DTNA: variants seen among roughly 807,000 people sequenced by gnomAD.
The protein encoded by DTNA is dystrobrevin alpha.
DTNA carries 43 observed loss-of-function variants against 100.7 expected under a neutral mutation model. That is an observed-to-expected ratio of 0.43 (90% CI 0.33 to 0.55). The LOEUF (loss-of-function observed/expected upper bound fraction) is 0.55. DTNA is among the 20% of genes least tolerant of loss of function. The pLI is 0.04. For synonymous variants in DTNA, 349 were observed against 347.9 expected (o/e 1.00, Z -0.04); for missense variants, 798 against 953.9 (o/e 0.84, Z 2.15).
At position 34,765,019 on chromosome 18, in the gene DTNA, C is replaced by G. The variant is rs925279995; in HGVS notation, c.68-942C>G. ...CTCAGGTCTTGATGTAACAAGCAGC[C>G]CATCTGCAGGGTATTGAGATGAGAC... On this transcript the variant is annotated intron_variant, in intron 2 of 22. Transcript: ENST00000444659. 9.5e-4 allele frequency among the ~76,000 whole-genome samples: 145 copies of G among 152,198 alleles called. 1 individual carries two copies. Among genetic ancestry groups the G allele is most frequent in the Non-Finnish European group, 2.9e-5 (2 of 68,016 alleles).
chr18:34,817,864 C>A, intron 7 of DTNA: 1 of 1,054,062 alleles, frequency 9.5e-7, no homozygotes, highest in Middle Eastern at 4.0e-4. Flanking sequence ...GTCTGTTTGG[C>A]TAATTTAAAT....
At chr18:34,652,735 C>A (rs1041265919) in intron 1 of DTNA, among the ~76,000 whole-genome samples, 2 of 152,130 alleles carry the variant, frequency 1.3e-5, no homozygotes, top group South Asian at 4.1e-4. Flanking sequence ...CCTAAACGTG[C>A]CTCTCTTCTG....
At chr18:34,596,758 T>C (rs1240022530) in intron 1 of DTNA, among the ~76,000 whole-genome samples, 1 of 152,234 alleles carries the variant, frequency 6.6e-6, no homozygotes, top group African/African-American at 2.4e-5. Flanking sequence ...AGTTGTGACC[T>C]GATATATTCA....
chr18:34,529,457 C>A (rs1057029717), intron 1 of DTNA, among the ~76,000 whole-genome samples: 1 of 152,020 alleles, frequency 6.6e-6, no homozygotes, highest in Non-Finnish European at 1.5e-5. Flanking sequence ...TATATATATT[C>A]TTCAAGATCA....
intron 1 of DTNA, among the ~76,000 whole-genome samples, chr18:34,501,155 T>C (rs765820612): frequency 6.6e-6 from 1 of 152,192 alleles, no homozygotes; most frequent in Non-Finnish European, 1.5e-5. Flanking sequence ...TTCCTGAGTT[T>C]TAAAAAAAAT....
At chr18:34,758,490 T>C (rs1157670873) in intron 2 of DTNA, among the ~76,000 whole-genome samples, 1 of 152,178 alleles carries the variant, frequency 6.6e-6, no homozygotes, top group East Asian at 1.9e-4. Context: ...CTTTAAGCAC[T>C]GGGGAAAAAT....
At chr18:34,652,220 G>A (rs2060540410) in intron 1 of DTNA, among the ~76,000 whole-genome samples, 1 of 152,128 alleles carries the variant, frequency 6.6e-6, no homozygotes, top group African/African-American at 2.4e-5. Context: ...GAGGACAAAA[G>A]TGGAAAGATC....
At chr18:34,688,087 CT>C (rs1282799415) in intron 1 of DTNA, among the ~76,000 whole-genome samples, 1 of 152,040 alleles carries the variant, frequency 6.6e-6, no homozygotes, top group Non-Finnish European at 1.5e-5. Flanking sequence ...GATCTTGACT[CT>C]TTATCCGATT....
upstream of DTNA, among the ~76,000 whole-genome samples, chr18:34,706,771 T>C (rs2082173171): frequency 6.6e-6 from 1 of 152,206 alleles, no homozygotes; most frequent in African/African-American, 2.4e-5. Context: ...TTAAATTGTA[T>C]AAATTGAGAT....
chr18:34,848,776 G>C (rs2096427142), intron 14 of DTNA, among the ~76,000 whole-genome samples: 1 of 152,130 alleles, frequency 6.6e-6, no homozygotes, highest in Non-Finnish European at 1.5e-5. Context: ...TATACCAGTA[G>C]AAATAATAGA....
At chr18:34,724,055 ATAG>A (rs2147064500) in intron 1 of DTNA, among the ~76,000 whole-genome samples, 1 of 152,368 alleles carries the variant, frequency 6.6e-6, no homozygotes, top group Admixed American at 6.5e-5. Context: ...CTTTATTTTA[ATAG>A]TAGTAATATG....
intron 1 of DTNA, among the ~76,000 whole-genome samples, chr18:34,630,389 C>T (rs1197730325): frequency 6.6e-6 from 1 of 152,146 alleles, no homozygotes; most frequent in Non-Finnish European, 1.5e-5. Flanking sequence ...GCCTTAGCTG[C>T]TAATCACATG....
At chr18:34,796,777 G>A (rs1003980276) in intron 4 of DTNA, among the ~76,000 whole-genome samples, 1 of 152,102 alleles carries the variant, frequency 6.6e-6, no homozygotes, top group Non-Finnish European at 1.5e-5. Flanking sequence ...GTGGGGGAGG[G>A]GATGGTGCCT....
chr18:34,838,063 CTCT>C, intron 11 of DTNA, 28 bp from the exon 12 acceptor site: 2 of 1,608,574 alleles, frequency 1.2e-6, no homozygotes, highest in South Asian at 2.2e-5. Flanking sequence ...CGTGTTTACG[CTCT>C]TCTTGGCTTT....
intron 1 of DTNA, among the ~76,000 whole-genome samples, chr18:34,508,175 T>G (rs2040682442): frequency 6.6e-6 from 1 of 152,164 alleles, no homozygotes; most frequent in South Asian, 2.1e-4. Context: ...AGTCATACAT[T>G]AATGGATTTT....
At position 34,690,834 on chromosome 18, in the gene DTNA, C is replaced by T. The variant is rs73416430; in HGVS notation, c.-1-65142C>T. 1.6e-3 allele frequency among the ~76,000 whole-genome samples: 243 copies of T among 152,310 alleles called. 1 individual carries two copies. Among genetic ancestry groups the T allele is most frequent in the African/African-American group, 5.1e-3 (211 of 41,566 alleles). Reference sequence around the variant, plus strand: ...GGGCAAAGGCACAAAGCAATGCTGGCTAATGCTTACTGAGTTCTTATTTTA... The same window carrying T: ...GGGCAAAGGCACAAAGCAATGCTGGTTAATGCTTACTGAGTTCTTATTTTA... On this transcript the variant is annotated intron_variant, in intron 1 of 19. Coordinates refer to the DTNA transcript ENST00000283365.
At chr18:34,529,563 A>T (rs2042953190) in intron 1 of DTNA, among the ~76,000 whole-genome samples, 2 of 152,148 alleles carry the variant, frequency 1.3e-5, no homozygotes, top group Admixed American at 6.6e-5. Context: ...ATAACAAACA[A>T]ATCAGTTGCT....
chr18:34,542,189 T>G (rs938524002), intron 1 of DTNA, among the ~76,000 whole-genome samples: 3 of 152,064 alleles, frequency 2.0e-5, no homozygotes, highest in African/African-American at 7.2e-5. Context: ...TTCTTTTGCC[T>G]TATATTGTAG....
chr18:34,662,257 T>C (rs185915780), intron 1 of DTNA, among the ~76,000 whole-genome samples: 2 of 151,928 alleles, frequency 1.3e-5, no homozygotes, highest in East Asian at 3.9e-4. Context: ...AAAATATTCA[T>C]AAGAGTAAAA....
Sources: allele counts gnomAD v4.1 joint callset (sites outside exome capture counted in the v4.1 genomes callset), GRCh38; gene constraint gnomAD v4.1.1; transcripts MANE v1.5; gene names NCBI Gene and HGNC (gene_info 2026-07-23, HGNC 2026-07-21).